MCF2L2: variants seen among roughly 807,000 people sequenced by gnomAD.
MCF2L2 encodes the protein probable guanine nucleotide exchange factor MCF2L2.
In MCF2L2, 102 loss-of-function variants were observed where a neutral mutation model predicts 150.2. The observed-to-expected ratio is 0.68, with a 90% CI of 0.58 to 0.80. The LOEUF is 0.80. MCF2L2 is among the 30% of genes least tolerant of loss of function. The probability of loss-of-function intolerance (pLI) is 0.00; values close to 1 mark genes in which losing one functional copy is unlikely to be tolerated. For synonymous variants in MCF2L2, 465 were observed against 491.3 expected, an observed-to-expected ratio of 0.95 and a Z score of 0.71; for missense variants, 1,256 against 1,372.8, an observed-to-expected ratio of 0.91 and a Z score of 1.34.
chr3:183,300,782 C>T (rs1560009395), intron 10 of MCF2L2, among the ~76,000 whole-genome samples: 1 of 151,698 alleles, frequency 6.6e-6, no homozygotes, highest in Non-Finnish European at 1.5e-5. Context: ...TTTGGGAGGC[C>T]GAGGTGGGCG....
At chr3:183,304,119 C>T (rs1728984635) in intron 10 of MCF2L2, among the ~76,000 whole-genome samples, 1 of 152,212 alleles carries the variant, frequency 6.6e-6, no homozygotes, top group African/African-American at 2.4e-5. Flanking sequence ...CAGACTTCAC[C>T]TTCTCCAGAA....
chr3:183,348,222 T>C (rs1330012344), intron 3 of MCF2L2, among the ~76,000 whole-genome samples: 2 of 151,886 alleles, frequency 1.3e-5, no homozygotes, highest in East Asian at 1.9e-4. Flanking sequence ...TATGCAGCCA[T>C]AAAAAAAGAA....
chr3:183,342,607 A>C (rs1392362422), intron 3 of MCF2L2, among the ~76,000 whole-genome samples: 1 of 147,308 alleles, frequency 6.8e-6, no homozygotes, highest in Admixed American at 6.9e-5. Flanking sequence ...TATGAGGTTG[A>C]TGTGAAGATT....
At chr3:183,259,477 T>C (rs979510144) in intron 15 of MCF2L2, among the ~76,000 whole-genome samples, 2 of 152,194 alleles carry the variant, frequency 1.3e-5, no homozygotes, top group Admixed American at 1.3e-4. Context: ...TCATCAGGTT[T>C]ACTTCTTACG....
At chr3:183,246,165 T>A (rs1724243431) in intron 15 of MCF2L2, among the ~76,000 whole-genome samples, 1 of 152,218 alleles carries the variant, frequency 6.6e-6, no homozygotes, top group Admixed American at 6.5e-5. Flanking sequence ...ATTTTAGGTA[T>A]TATAAAGTTT....
chr3:183,407,613 T>C (rs1208977071), intron 1 of MCF2L2, among the ~76,000 whole-genome samples: 1 of 152,172 alleles, frequency 6.6e-6, no homozygotes, highest in Admixed American at 6.5e-5. Context: ...CCAGGAAACA[T>C]GATCTTTCTT....
chr3:183,383,202 G>T (rs865916254), intron 2 of MCF2L2, among the ~76,000 whole-genome samples: 2 of 146,460 alleles, frequency 1.4e-5, no homozygotes, highest in Non-Finnish European at 2.9e-5. Context: ...TAATCATAAA[G>T]AATTTTTATA....
rs1481622632 is a variant in MCF2L2, at chr3:183,270,367, T to C, written c.1862+6505A>G. On this transcript the variant is annotated intron_variant, in intron 15 of 29. Coordinates refer to ENST00000328913, the MANE Select transcript of MCF2L2 (RefSeq NM_015078.4). This position sits in a 1 kb window ranked among gnomAD's most constrained non-coding sequence, Gnocchi z 4.5. ...TATTGTCCACATGCCAAATTTCTTA[T>C]GACTGCTGATGATGACATATTTATT... 1.9e-6 allele frequency: 3 copies of C among 1,614,238 alleles called. No individual in the cohort carries two copies. Among genetic ancestry groups the C allele is most frequent in the South Asian group, 1.1e-5 (1 of 91,086 alleles).
chr3:183,343,563 T>C (rs1730783816), intron 3 of MCF2L2, among the ~76,000 whole-genome samples: 1 of 151,860 alleles, frequency 6.6e-6, no homozygotes, highest in African/African-American at 2.4e-5. Flanking sequence ...CAGAGACAGG[T>C]TTCACCATGT....
chr3:183,205,978 C>CTA, intron 24 of MCF2L2, 24 bp from the exon 25 acceptor site: 2 of 1,599,466 alleles, frequency 1.3e-6, no homozygotes, highest in Non-Finnish European at 1.7e-6. Context: ...TAAGAAAACA[C>CTA]TATAAGACTA....
chr3:183,225,084 C>A, intron 18 of MCF2L2: 1 of 152,562 alleles, frequency 6.6e-6, no homozygotes. Flanking sequence ...TCCTCCTGCT[C>A]AGCCCAACTC....
At chr3:183,369,871 T>C (rs1007694486) in intron 3 of MCF2L2, among the ~76,000 whole-genome samples, 9 of 152,236 alleles carry the variant, frequency 5.9e-5, no homozygotes, top group Non-Finnish European at 1.2e-4. Flanking sequence ...GGCAAACAGT[T>C]GTCTACTCTA....
chr3:183,335,931 C>T (rs1385620405), intron 5 of MCF2L2, among the ~76,000 whole-genome samples: 2 of 152,188 alleles, frequency 1.3e-5, no homozygotes, highest in Non-Finnish European at 2.9e-5. Flanking sequence ...TTCCATTCTC[C>T]TTCCATGTGA....
intron 3 of MCF2L2, chr3:183,377,192 C>T (rs1311610581): frequency 2.0e-5 from 3 of 152,132 alleles, no homozygotes; most frequent in Non-Finnish European, 2.9e-5. Flanking sequence ...TCCTTCCCCT[C>T]GTCCCCGACC....
At chr3:183,254,407 GCTCGTCCCCTCC>G (rs1724832277) in intron 15 of MCF2L2, among the ~76,000 whole-genome samples, 1 of 151,902 alleles carries the variant, frequency 6.6e-6, no homozygotes, top group Admixed American at 6.6e-5. Context: ...GGAGAAGGAG[GCTCGTCCCCTCC>G]CCGGAACGCC....
intron 25 of MCF2L2, among the ~76,000 whole-genome samples, chr3:183,203,402 A>G (rs1318845651): frequency 1.3e-5 from 2 of 152,234 alleles, no homozygotes; most frequent in Non-Finnish European, 2.9e-5. Context: ...TTAAAGGACG[A>G]AACAGAAATT....
chr3:183,351,451 T>C (rs1304929848), intron 3 of MCF2L2, among the ~76,000 whole-genome samples: 1 of 151,930 alleles, frequency 6.6e-6, no homozygotes, highest in African/African-American at 2.4e-5. Flanking sequence ...CCATCAGAAC[T>C]GAGTCAAATG....
At chr3:183,298,765 GCACACACACACACACA>G (rs1220893493) in intron 11 of MCF2L2, 2 of 138,500 alleles carry the variant, frequency 1.4e-5, no homozygotes, top group Non-Finnish European at 3.1e-5. Context: ...AAACACACAT[GCACACACACACACACA>G]CACACACACA....
chr3:183,402,731 A>T (rs1714836351), intron 1 of MCF2L2, among the ~76,000 whole-genome samples: 1 of 152,000 alleles, frequency 6.6e-6, no homozygotes. Context: ...AAATAAAAAG[A>T]ATGAAACAAG....
Sources: allele counts gnomAD v4.1 joint callset (sites outside exome capture counted in the v4.1 genomes callset), GRCh38; gene constraint gnomAD v4.1.1; non-coding constraint Gnocchi (gnomAD v3.1); transcripts MANE v1.5; gene names NCBI Gene and HGNC (gene_info 2026-07-23, HGNC 2026-07-21).